The following SACM1L variants were observed in gnomAD, a reference collection of about 807,000 sequenced individuals.
SACM1L encodes phosphatidylinositol-3-phosphatase SAC1.
In SACM1L, 32 loss-of-function variants were observed where a neutral mutation model predicts 89.5. The observed-to-expected ratio is 0.36, with a 90% confidence interval of 0.27 to 0.48. SACM1L has a LOEUF of 0.48. Ranked by LOEUF, SACM1L falls within the 20% of genes least tolerant of loss-of-function variation. The pLI is 0.99. For missense variants in SACM1L, 543 were observed against 708.5 expected (o/e 0.77, Z 2.65); for synonymous variants, 213 against 232.8 (o/e 0.92, Z 0.77).
intron 3 of SACM1L, among the ~76,000 whole-genome samples, chr3:45,705,595 C>T (rs896839764): frequency 2.6e-5 from 4 of 151,132 alleles, no homozygotes; most frequent in African/African-American, 7.3e-5. Context: ...CTCCGCCTCC[C>T]GGGTTCAAGT....
intron 4 of SACM1L, among the ~76,000 whole-genome samples, chr3:45,707,670 G>A (rs1235348529): frequency 3.9e-5 from 6 of 152,174 alleles, no homozygotes; most frequent in Non-Finnish European, 1.5e-5. Context: ...TGGCTGTGAC[G>A]AAAGGGATGA....
intron 1 of SACM1L, 106 bp from the exon 2 acceptor site, chr3:45,703,332 T>G: frequency 1.4e-6 from 1 of 722,928 alleles, no homozygotes; most frequent in Non-Finnish European, 2.4e-6. Context: ...TTTTAGAAGC[T>G]GGGAAAATGA....
rs769333509 is a variant in SACM1L at position 45,709,654 on chromosome 3, T to C, written c.483+7T>C. On this transcript the variant is annotated splice_region_variant and intron_variant, in intron 5 of 19. Coordinates refer to ENST00000389061, the MANE Select transcript of SACM1L (RefSeq NM_014016.5). The stretch of plus-strand genomic sequence containing the variant: ...AATGAGTCTCTTGGAAAGGGTAAGC[T>C]TGATCTTCAATTATTTTTATTTTTA... 1.3e-6 allele frequency: 2 copies of C among 1,592,764 alleles called. No individual in the cohort carries two copies. The highest frequency in any genetic ancestry group is 1.9e-5 in the Admixed American group (1 of 53,292).
intron 9 of SACM1L, among the ~76,000 whole-genome samples, chr3:45,722,321 G>A (rs936157224): frequency 2.0e-5 from 3 of 151,960 alleles, no homozygotes; most frequent in Non-Finnish European, 4.4e-5. Flanking sequence ...TAGGAGGTGC[G>A]AAGAGAGTTA....
At chr3:45,737,697 ATAAAT>A (rs1225680744) in intron 15 of SACM1L, 45 bp downstream of exon 15, 2 of 1,574,556 alleles carry the variant, frequency 1.3e-6, no homozygotes, top group African/African-American at 1.4e-5. Context: ...AGATTTTGAA[ATAAAT>A]TAATATTCTG....
rs1476246095 is a variant in SACM1L, at chr3:45,726,880, T to C, written c.921+3337T>C. ...CTTTTGCTTTATTTCTTTTTTTTTT[T>C]TTTTTTTTTTTTTTTTGAGACGGAG... On this transcript the variant is annotated intron_variant, in intron 11 of 19. Transcript: ENST00000389061. Among the ~76,000 whole-genome samples, 2 of 48,862 alleles carry C rather than the reference T, an allele frequency of 4.1e-5. 1 individual carries two copies. Among genetic ancestry groups the C allele is most frequent in the Non-Finnish European group, 9.5e-5 (2 of 20,978 alleles). The allele number at this position is 48,862 out of a possible 152,430, so 32.1% of individuals were successfully genotyped here.
rs369289217 is a variant in SACM1L, at chr3:45,726,834, G to A, written c.921+3291G>A. Reference sequence around the variant, plus strand: ...CTTTTTTAATGTGTGCATTTACAGCGACAAATTTTCCTCAGCACTGCTTTT... The same window carrying A: ...CTTTTTTAATGTGTGCATTTACAGCAACAAATTTTCCTCAGCACTGCTTTT... On this transcript the variant is annotated intron_variant, in intron 11 of 19. Transcript: ENST00000389061. 5.3e-5 allele frequency among the ~76,000 whole-genome samples: 8 copies of A among 150,972 alleles called. No individual in the cohort carries two copies. The East Asian group carries it at 9.7e-4, about 18-fold the overall frequency.
chr3:45,713,316 T>C (rs1025485455), intron 6 of SACM1L, 120 bp downstream of exon 6: 1 of 765,658 alleles, frequency 1.3e-6, no homozygotes, highest in Non-Finnish European at 2.1e-6. Flanking sequence ...TTTAACTGTT[T>C]ATAACTTACA....
chr3:45,723,321 T>C (rs925227074), intron 10 of SACM1L, among the ~76,000 whole-genome samples, 154 bp from the exon 11 acceptor site: 5 of 152,198 alleles, frequency 3.3e-5, no homozygotes, highest in Admixed American at 1.3e-4. Flanking sequence ...ACATTTAGAA[T>C]AGCTAGAAGG....
intron 2 of SACM1L, among the ~76,000 whole-genome samples, chr3:45,704,838 C>T (rs1698350168): frequency 2.0e-5 from 3 of 152,158 alleles, no homozygotes; most frequent in African/African-American, 7.2e-5. Context: ...GTTTCTTAGC[C>T]AGTTTCTTTT....
At chr3:45,694,012 G>T (rs1698064499) in intron 1 of SACM1L, among the ~76,000 whole-genome samples, 1 of 152,192 alleles carries the variant, frequency 6.6e-6, no homozygotes, top group Admixed American at 6.5e-5. Flanking sequence ...TACCTTGGCA[G>T]TTCGGCGTAG....
chr3:45,725,069 C>T (rs1461970974), intron 11 of SACM1L, among the ~76,000 whole-genome samples: 1 of 152,150 alleles, frequency 6.6e-6, no homozygotes, highest in Non-Finnish European at 1.5e-5. Flanking sequence ...CAGGATCACA[C>T]TATTTTGGTT....
chr3:45,723,552 C>T lies in SACM1L; in HGVS notation c.921+9C>T. The T allele has an allele frequency of 7.3e-7, 1 of 1,371,308 alleles. No homozygotes were observed. Among genetic ancestry groups the T allele is most frequent in the Admixed American group, 2.4e-5 (1 of 41,730 alleles). 84.9% of individuals were successfully genotyped at this position (1,371,308 alleles called of 1,614,324 possible). On this transcript the variant is annotated intron_variant, in intron 11 of 19. Transcript: ENST00000389061. Reference sequence around the variant, plus strand: ...AAGTTATAATCAATCTGGTATGTTTCTTATGTTTCTTGGGGGGAAAAAAAA... The same window carrying T: ...AAGTTATAATCAATCTGGTATGTTTTTTATGTTTCTTGGGGGGAAAAAAAA...
intron 1 of SACM1L, among the ~76,000 whole-genome samples, chr3:45,701,487 ATCT>A (rs1279192331): frequency 1.3e-5 from 2 of 152,144 alleles, no homozygotes; most frequent in East Asian, 1.9e-4. Flanking sequence ...TCCATAAAAC[ATCT>A]TCTGTAGATA....
chr3:45,711,153 AG>A (rs1698518526), intron 5 of SACM1L, among the ~76,000 whole-genome samples: 1 of 152,176 alleles, frequency 6.6e-6, no homozygotes, highest in Admixed American at 6.5e-5. Context: ...TTATAAAGTA[AG>A]GTATCTACAG....
intron 1 of SACM1L, among the ~76,000 whole-genome samples, chr3:45,694,421 T>G (rs1187702575): frequency 1.3e-5 from 2 of 152,144 alleles, no homozygotes; most frequent in Non-Finnish European, 2.9e-5. Flanking sequence ...ATAATGAACA[T>G]TCATATTATT....
Position 45,743,611 on chromosome 3 carries a change from A to G in SACM1L, c.1706A>G (p.Tyr569Cys), listed in dbSNP as rs1480231547. Residue 569 changes from tyrosine to cysteine, a missense_variant, in exon 20 of 20, where the codon TAC becomes TGC. Physicochemically the swap from Tyr to Cys is radical, Grantham distance 194 (BLOSUM62 -2). Coordinates refer to ENST00000389061, the MANE Select transcript of SACM1L (RefSeq NM_014016.5). ...ASIGTFFIIL[Y>C]NGKDFVDAPR... ...ATTGGAACATTTTTTATCATTCTTTACAATGGCAAAGATTTTGTCGATGCT... is the reference window on the plus strand; with the variant it reads ...ATTGGAACATTTTTTATCATTCTTTGCAATGGCAAAGATTTTGTCGATGCT... 2.5e-6 allele frequency: 4 copies of G among 1,613,990 alleles called. No individual in the cohort carries two copies. The highest frequency in any genetic ancestry group is 2.7e-5 in the African/African-American group (2 of 74,940).
intron 18 of SACM1L, 66 bp downstream of exon 18, chr3:45,738,939 A>C (rs1248884003): frequency 6.2e-6 from 6 of 960,754 alleles, no homozygotes; most frequent in Non-Finnish European, 9.7e-6. Context: ...AGATGGTTTC[A>C]GTCTCAATTT....
intron 11 of SACM1L, among the ~76,000 whole-genome samples, chr3:45,726,711 T>C (rs1698926279): frequency 6.6e-6 from 1 of 152,112 alleles, no homozygotes; most frequent in South Asian, 2.1e-4. Flanking sequence ...TTATCTCTAC[T>C]CTGATTTTTA....
Sources: gnomAD v4.1 joint callset for allele counts (sites outside exome capture counted in the v4.1 genomes callset) on GRCh38, gnomAD v4.1.1 for gene constraint, MANE v1.5 for transcripts, NCBI Gene and HGNC (gene_info 2026-07-23, HGNC 2026-07-21) for gene names.